The following ANKRD11 variants were observed in gnomAD, a reference collection of about 807,000 sequenced individuals.
The protein encoded by ANKRD11 is ankyrin repeat domain 11, also known as ankyrin repeat domain-containing protein 11.
A neutral mutation model predicts 195.7 loss-of-function variants in ANKRD11; 17 were observed. The observed-to-expected ratio is 0.09, with a 90% CI of 0.06 to 0.13. ANKRD11 has a LOEUF of 0.13. ANKRD11 is among the 10% of genes least tolerant of loss of function. The pLI is 1.00. For synonymous variants in ANKRD11, 1,953 were observed against 1,528.1 expected (o/e 1.28, Z -6.49); for missense variants, 3,735 against 3,566.1 (o/e 1.05, Z -1.21).
rs1597461565 is a variant in ANKRD11, at chr16:89,284,331, G to A, written c.2211C>T (p.Asp737=). 3 of 1,613,484 alleles carry A rather than the reference G, an allele frequency of 1.9e-6. No individual in the cohort carries two copies. The highest frequency in any genetic ancestry group is 2.5e-6 in the Non-Finnish European group (3 of 1,179,964). Residue 737 remains aspartate, a synonymous_variant, in exon 9 of 13, where the codon GAC becomes GAT. Transcript: ENST00000301030. The part of the protein sequence containing the change: ...DISRSFREEK[D]RSNKAEKERS... The stretch of plus-strand genomic sequence containing the variant: ...TCTCCTTTTCTGCTTTATTCGAACG[G>A]TCTTTCTCTTCTCGGAAAGACCTGC...
chr16:89,342,522 G>A (rs575538643), intron 2 of ANKRD11, among the ~76,000 whole-genome samples: 7 of 152,326 alleles, frequency 4.6e-5, no homozygotes, highest in African/African-American at 7.2e-5. Context: ...AACTCGCTGC[G>A]GCCTGCGTGG....
At chr16:89,449,501 G>C (rs971303407) in intron 1 of ANKRD11, among the ~76,000 whole-genome samples, 1 of 151,988 alleles carries the variant, frequency 6.6e-6, no homozygotes, top group East Asian at 1.9e-4. Context: ...TACTTAGAAA[G>C]GGGGTGTGCA....
chr16:89,434,889 C>T (rs1353491552), intron 1 of ANKRD11, among the ~76,000 whole-genome samples: 1 of 152,194 alleles, frequency 6.6e-6, no homozygotes, highest in Admixed American at 6.5e-5. Flanking sequence ...TGCACCAAGG[C>T]ACAAGAAAAC....
At chr16:89,430,413 C>T (rs922819743) in intron 1 of ANKRD11, among the ~76,000 whole-genome samples, 3 of 148,894 alleles carry the variant, frequency 2.0e-5, no homozygotes, top group Admixed American at 6.7e-5. Context: ...CACGCTCAGT[C>T]GTTCTAGTAC....
chr16:89,320,681 G>A (rs1369877856), intron 2 of ANKRD11, among the ~76,000 whole-genome samples: 1 of 152,176 alleles, frequency 6.6e-6, no homozygotes, highest in Non-Finnish European at 1.5e-5. Context: ...CGGCGCCAAA[G>A]CTGTGGGCTC....
intron 3 of ANKRD11, among the ~76,000 whole-genome samples, chr16:89,305,628 ACACACACGCGCTACCTCTCACTCCG>A (rs1330787560): frequency 0.011 from 1,630 of 151,148 alleles, 62 homozygotes; most frequent in African/African-American, 0.024. Context: ...AGCAGAGGAG[ACACACACGCGCTACCTCTCACTCCG>A]CAGACACGCG....
rs1295892091 is a variant in ANKRD11 at position 89,281,600 on chromosome 16, G to C, written c.4942C>G (p.Pro1648Ala). The C allele has an allele frequency of 2.5e-6, 4 of 1,614,054 alleles. No homozygotes were observed. The highest frequency in any genetic ancestry group is 1.3e-5 in the African/African-American group (1 of 74,918). Residue 1648 changes from proline (P) to alanine (A), a missense_variant, in exon 9 of 13, where the codon CCA (proline) becomes GCA (alanine). Coordinates refer to ENST00000301030, the MANE Select transcript of ANKRD11 (RefSeq NM_013275.6). The surrounding 1 kb of genome is among the most constrained non-coding windows in gnomAD (Gnocchi z 5.5). ...PAKKPPGLDPPFKDKKLKEST... is the reference protein window; with the variant it reads ...PAKKPPGLDPAFKDKKLKEST... ...TCTTTGAGCTTTTTGTCTTTAAATG[G>C]AGGGTCCAGCCCCGGCGGTTTCTTA... is the stretch of plus-strand genomic sequence containing the variant.
chr16:89,430,663 G>A (rs113773007), intron 1 of ANKRD11, among the ~76,000 whole-genome samples: 4,792 of 152,284 alleles, frequency 0.031, 225 homozygotes, highest in African/African-American at 0.11. Flanking sequence ...CTGATTGGCA[G>A]GCATTCCACA....
intron 2 of ANKRD11, among the ~76,000 whole-genome samples, chr16:89,394,723 G>A (rs1421356767): frequency 6.6e-6 from 1 of 152,020 alleles, no homozygotes; most frequent in Admixed American, 6.6e-5. Context: ...TTCATATACA[G>A]GAGTCGTGTT....
chr16:89,291,664 A>G lies in ANKRD11; in HGVS notation c.227-481T>C, dbSNP rs2035073650. 3.9e-6 allele frequency: 5 copies of G among 1,289,664 alleles called. No individual in the cohort carries two copies. The highest frequency in any genetic ancestry group is 5.5e-5 in the East Asian group (1 of 18,036). The allele number at this position is 1,289,664 out of a possible 1,614,324, so 79.9% of individuals were successfully genotyped here. A position where few individuals can be genotyped will look rare whatever the true frequency, so the allele number is the denominator to read the frequency against. Reference sequence around the variant, plus strand: ...AAAACACATCAGTAAATCAAGGCCAACTGGTCAGTACTGTACCTTTCTTCT... The same window carrying G: ...AAAACACATCAGTAAATCAAGGCCAGCTGGTCAGTACTGTACCTTTCTTCT... On this transcript the variant is annotated intron_variant, in intron 4 of 12. Transcript: ENST00000301030. The surrounding 1 kb of genome is among the most constrained non-coding windows in gnomAD (Gnocchi z 5.3).
chr16:89,318,570 G>C (rs1271406618), intron 2 of ANKRD11, among the ~76,000 whole-genome samples: 1 of 146,926 alleles, frequency 6.8e-6, no homozygotes, highest in African/African-American at 2.5e-5. Flanking sequence ...ACCCATCTGT[G>C]AGTGGCAGCT....
chr16:89,400,997 A>G (rs2041658969), intron 2 of ANKRD11, among the ~76,000 whole-genome samples: 1 of 152,172 alleles, frequency 6.6e-6, no homozygotes, highest in African/African-American at 2.4e-5. Context: ...ACCCAAGACC[A>G]AGATGGAAAG....
At chr16:89,423,980 G>A (rs1054862716) in intron 1 of ANKRD11, among the ~76,000 whole-genome samples, 4 of 152,182 alleles carry the variant, frequency 2.6e-5, no homozygotes, top group Admixed American at 6.5e-5. Flanking sequence ...GTAAGGGGAC[G>A]GCGTACAACG....
At chr16:89,277,320 G>A (rs1353876207) in intron 9 of ANKRD11, among the ~76,000 whole-genome samples, 1 of 152,214 alleles carries the variant, frequency 6.6e-6, no homozygotes, top group African/African-American at 2.4e-5. Context: ...AGCAGGAGCT[G>A]TGCCTTGGGC....
chr16:89,421,701 T>A (rs1201967712), intron 1 of ANKRD11, among the ~76,000 whole-genome samples: 1 of 123,644 alleles, frequency 8.1e-6, no homozygotes, highest in Non-Finnish European at 1.6e-5. Flanking sequence ...CCATCACCCG[T>A]CCACGTCTGG....
At chr16:89,314,267 AAAC>A (rs911359361) in intron 3 of ANKRD11, among the ~76,000 whole-genome samples, 20 of 147,054 alleles carry the variant, frequency 1.4e-4, no homozygotes, top group South Asian at 2.1e-4. Context: ...ACAAACAAAC[AAAC>A]AACAACAACA....
At chr16:89,270,942 A>G (rs932863880) in intron 11 of ANKRD11, 33 bp from the exon 12 acceptor site, 6 of 1,608,668 alleles carry the variant, frequency 3.7e-6, no homozygotes, top group Non-Finnish European at 4.3e-6. Flanking sequence ...TTTCATCAGG[A>G]GCCCCAGAGA....
chr16:89,361,050 G>A (rs1336628248), intron 2 of ANKRD11, among the ~76,000 whole-genome samples: 1 of 152,106 alleles, frequency 6.6e-6, no homozygotes, highest in Non-Finnish European at 1.5e-5. Context: ...TGGGCTCCAG[G>A]ATCAGCCCAC....
intron 1 of ANKRD11, among the ~76,000 whole-genome samples, chr16:89,432,834 A>G (rs749639364): frequency 3.9e-5 from 6 of 152,054 alleles, no homozygotes; most frequent in Non-Finnish European, 8.8e-5. Flanking sequence ...CCAGCTACTC[A>G]GTAGAATCAC....
Sources: allele counts gnomAD v4.1 joint callset (sites outside exome capture counted in the v4.1 genomes callset), GRCh38; gene constraint gnomAD v4.1.1; non-coding constraint Gnocchi (gnomAD v3.1); transcripts MANE v1.5; gene names NCBI Gene and HGNC (gene_info 2026-07-23, HGNC 2026-07-21).